Variants in MTHFD2L observed in about 807,000 individuals in gnomAD.
The protein encoded by MTHFD2L is bifunctional methylenetetrahydrofolate dehydrogenase/cyclohydrolase 2, mitochondrial.
A neutral mutation model predicts 34.9 loss-of-function variants in MTHFD2L; 29 were observed. That is an observed-to-expected ratio of 0.83 (90% CI 0.62 to 1.13). The LOEUF (loss-of-function observed/expected upper bound fraction) is 1.13, where lower values mean the gene tolerates loss of function less well. Among genes scored for constraint, MTHFD2L ranks in the 50% most tolerant of loss-of-function variants. MTHFD2L has a pLI of 0.00. For missense variants in MTHFD2L, 481 were observed against 446.5 expected, an observed-to-expected ratio of 1.08 and a Z score of -0.70; for synonymous variants, 167 against 155.7, an observed-to-expected ratio of 1.07 and a Z score of -0.54.
chr4:74,116,807 G>A (rs554511431), intron 2 of MTHFD2L, among the ~76,000 whole-genome samples: 1 of 152,348 alleles, frequency 6.6e-6, no homozygotes, highest in Admixed American at 6.5e-5. Context: ...GGTTCAAAGA[G>A]ATTTTTCTTT....
At chr4:74,179,157 C>A (rs1404449524) in intron 3 of MTHFD2L, among the ~76,000 whole-genome samples, 3 of 152,008 alleles carry the variant, frequency 2.0e-5, no homozygotes, top group African/African-American at 4.8e-5. Flanking sequence ...ATGGTAGAGC[C>A]AAGACCCAAA....
chr4:74,221,837 A>G (rs980978225), intron 5 of MTHFD2L, among the ~76,000 whole-genome samples: 3 of 151,744 alleles, frequency 2.0e-5, no homozygotes, highest in African/African-American at 7.2e-5. Context: ...TTAAAAAAAT[A>G]TTTAAGAAGG....
intron 5 of MTHFD2L, among the ~76,000 whole-genome samples, chr4:74,202,848 G>A (rs560282028): frequency 1.3e-5 from 2 of 152,214 alleles, no homozygotes; most frequent in South Asian, 4.1e-4. Flanking sequence ...AGACACCTAT[G>A]TGCTCATCAT....
intron 6 of MTHFD2L, among the ~76,000 whole-genome samples, chr4:74,231,205 G>A (rs1008516922): frequency 1.3e-5 from 2 of 152,026 alleles, no homozygotes; most frequent in African/African-American, 2.4e-5. Flanking sequence ...AGTGACCAAC[G>A]AATTTCCTTT....
At chr4:74,240,508 T>G (rs1242085259) in intron 6 of MTHFD2L, among the ~76,000 whole-genome samples, 2 of 152,154 alleles carry the variant, frequency 1.3e-5, no homozygotes, top group African/African-American at 2.4e-5. Context: ...ATAGGAATTC[T>G]ATAGATGCAA....
At chr4:74,277,854 G>C (rs1019561339) in intron 6 of MTHFD2L, among the ~76,000 whole-genome samples, 5 of 151,914 alleles carry the variant, frequency 3.3e-5, no homozygotes, top group African/African-American at 1.2e-4. Flanking sequence ...AGGTAGCCTA[G>C]GTTCATTTAA....
intron 1 of MTHFD2L, chr4:74,160,029 T>C: frequency 1.6e-6 from 2 of 1,279,256 alleles, no homozygotes; most frequent in Non-Finnish European, 2.0e-6. Context: ...GTGTTGATGC[T>C]TATTGGTGTC....
At chr4:74,124,609 G>A (rs138361370), upstream of MTHFD2L, among the ~76,000 whole-genome samples, 39 of 151,998 alleles carry the variant, frequency 2.6e-4, no homozygotes, top group African/African-American at 5.5e-4. Flanking sequence ...AACCTGTTTC[G>A]TTAAGACATT....
rs1290985464 is a variant in MTHFD2L at position 74,175,301 on chromosome 4, C to T, written c.349C>T (p.Leu117=). ...TCTAGGTATTTGTAGTGAGCTCATTCTAAAACCTAAGGATGTTTCTCAGGA... is the reference window on the plus strand; with the variant it reads ...TCTAGGTATTTGTAGTGAGCTCATTTTAAAACCTAAGGATGTTTCTCAGGA... ...SAVGICSELI[L]KPKDVSQEEL... Residue 117 remains leucine, a synonymous_variant, in exon 3 of 8, where the codon CTA becomes TTA. Coordinates refer to ENST00000325278, the MANE Select transcript of MTHFD2L (RefSeq NM_001144978.3). 7 of 1,612,848 alleles carry T rather than the reference C, an allele frequency of 4.3e-6. No homozygotes were observed. The Admixed American group carries it at 5.0e-5, about 12-fold the overall frequency.
chr4:74,247,104 C>T (rs1365811213), intron 6 of MTHFD2L, among the ~76,000 whole-genome samples: 1 of 148,886 alleles, frequency 6.7e-6, no homozygotes, highest in Non-Finnish European at 1.5e-5. Context: ...ATTCTTCCTA[C>T]CCATGAGCAT....
chr4:74,205,453 T>G lies in MTHFD2L; in HGVS notation c.712+4083T>G, dbSNP rs1033989823. ...ATGCAGAACCCTAGTGATTCGTTTT[T>G]GTCTTAAAGCCAAAGATAATTGTAC... On this transcript the variant is annotated intron_variant, in intron 5 of 7. Transcript: ENST00000325278. Among the ~76,000 whole-genome samples, 5 of 152,234 alleles carry G rather than the reference T, an allele frequency of 3.3e-5. No individual in the cohort carries two copies. The South Asian group carries it at 1.0e-3, about 32-fold the overall frequency.
chr4:74,150,927 T>C (rs918760245), intron 1 of MTHFD2L, among the ~76,000 whole-genome samples: 7 of 151,986 alleles, frequency 4.6e-5, no homozygotes, highest in African/African-American at 9.7e-5. Context: ...AGATAAACTA[T>C]ATGGAATCTG....
intron 1 of MTHFD2L, chr4:74,160,399 G>T: frequency 5.8e-6 from 1 of 171,816 alleles, no homozygotes; most frequent in Non-Finnish European, 1.3e-5. Context: ...TATAATAATG[G>T]AATATTTACA....
chr4:74,244,078 A>G (rs114363787), intron 6 of MTHFD2L, among the ~76,000 whole-genome samples: 1,609 of 152,300 alleles, frequency 0.011, 28 homozygotes, highest in African/African-American at 0.037. Flanking sequence ...TGGGTTCTCA[A>G]ATGAAGAGTG....
intron 6 of MTHFD2L, among the ~76,000 whole-genome samples, chr4:74,258,980 A>G (rs1377285384): frequency 1.3e-5 from 2 of 152,246 alleles, no homozygotes; most frequent in African/African-American, 4.8e-5. Context: ...TCATGGTCAT[A>G]TAGCAAATGC....
intron 6 of MTHFD2L, among the ~76,000 whole-genome samples, chr4:74,262,296 T>C (rs551877148): frequency 6.6e-6 from 1 of 151,980 alleles, no homozygotes; most frequent in East Asian, 1.9e-4. Flanking sequence ...TTGGAGAACT[T>C]AATAGAACTT....
In MTHFD2L at chr4:74,204,156, TGGAGTCA is replaced by T. The variant is rs533734464; in HGVS notation, c.712+2789_712+2795del. ...GACTTTGTGGTTAAGAGGATAGACA[TGGAGTCA>T]GGCCCCCTCCATTACCAAGCCCTGT... is the stretch of plus-strand genomic sequence containing the variant. On this transcript the variant is annotated intron_variant, in intron 5 of 7. Coordinates refer to ENST00000325278, the MANE Select transcript of MTHFD2L (RefSeq NM_001144978.3). Among the ~76,000 whole-genome samples the T allele has an allele frequency of 7.2e-5, 11 of 152,300 alleles. No individual in the cohort carries two copies. The South Asian group carries it at 1.9e-3, about 26-fold the overall frequency.
intron 1 of MTHFD2L, among the ~76,000 whole-genome samples, chr4:74,137,744 G>C (rs1246371886): frequency 6.6e-6 from 1 of 152,110 alleles, no homozygotes; most frequent in Admixed American, 6.6e-5. Context: ...AGAAAACGTG[G>C]TACATATACA....
At chr4:74,181,267 G>A (rs779188862) in intron 3 of MTHFD2L, among the ~76,000 whole-genome samples, 3 of 151,998 alleles carry the variant, frequency 2.0e-5, no homozygotes, top group Non-Finnish European at 2.9e-5. Context: ...ATTTTAATAT[G>A]GTATTTCACA....
Sources: gnomAD v4.1 joint callset for allele counts (sites outside exome capture counted in the v4.1 genomes callset) on GRCh38, gnomAD v4.1.1 for gene constraint, MANE v1.5 for transcripts, NCBI Gene and HGNC (gene_info 2026-07-23, HGNC 2026-07-21) for gene names.